AATF: variants seen among roughly 807,000 people sequenced by gnomAD.
AATF encodes protein AATF.
A neutral mutation model predicts 63.7 loss-of-function variants in AATF; 48 were observed. The observed-to-expected ratio is 0.75, with a 90% CI of 0.60 to 0.96. AATF has a LOEUF of 0.96. Ranked by LOEUF, AATF falls within the 40% of genes least tolerant of loss-of-function variation. The pLI is 0.00. For missense variants in AATF, 639 were observed against 685.7 expected (o/e 0.93, Z 0.76); for synonymous variants, 258 against 247.7 (o/e 1.04, Z -0.39).
At chr17:37,030,487 G>C (rs1229773183) in intron 10 of AATF, among the ~76,000 whole-genome samples, 1 of 152,142 alleles carries the variant, frequency 6.6e-6, no homozygotes, top group Admixed American at 6.5e-5. Context: ...ATTATAATGA[G>C]TAGAAAAGGA....
At chr17:37,046,057 A>G (rs1038266600) in intron 11 of AATF, 1 of 152,168 alleles carries the variant, frequency 6.6e-6, no homozygotes, top group Non-Finnish European at 1.5e-5. Context: ...CAAGAGCCCC[A>G]TCTCAGACTG....
chr17:37,010,281 T>C (rs2071380339), intron 8 of AATF, among the ~76,000 whole-genome samples: 1 of 152,000 alleles, frequency 6.6e-6, no homozygotes, highest in Non-Finnish European at 1.5e-5. Context: ...GGTGAAACCC[T>C]GTCCCTACTA....
At chr17:37,045,860 G>T (rs1032076682) in intron 11 of AATF, 1 of 152,238 alleles carries the variant, frequency 6.6e-6, no homozygotes, top group East Asian at 1.9e-4. Context: ...CCTGTTGCAG[G>T]CCTGCTCAGT....
intron 11 of AATF, among the ~76,000 whole-genome samples, chr17:37,035,619 A>G (rs867098058): frequency 6.6e-6 from 1 of 150,414 alleles, no homozygotes; most frequent in African/African-American, 2.4e-5. Context: ...GCTCACTGCA[A>G]TCTCCACCTC....
chr17:37,013,665 C>T (rs2071408666), intron 8 of AATF, among the ~76,000 whole-genome samples: 1 of 152,308 alleles, frequency 6.6e-6, no homozygotes, highest in Non-Finnish European at 1.5e-5. Flanking sequence ...ATGGCCCAGA[C>T]ACTTTCCATT....
chr17:37,033,285 T>G (rs1252403183), intron 11 of AATF, among the ~76,000 whole-genome samples: 1 of 152,188 alleles, frequency 6.6e-6, no homozygotes, highest in East Asian at 1.9e-4. Flanking sequence ...GTAAAGTGAG[T>G]GCATCTTAGA....
chr17:37,006,393 C>G (rs1373038894), intron 8 of AATF, among the ~76,000 whole-genome samples: 7 of 152,052 alleles, frequency 4.6e-5, no homozygotes, highest in Non-Finnish European at 7.4e-5. Context: ...CGCTTGAACC[C>G]AGGAGACTGA....
At chr17:37,008,874 T>C (rs1485871355) in intron 8 of AATF, among the ~76,000 whole-genome samples, 1 of 152,136 alleles carries the variant, frequency 6.6e-6, no homozygotes, top group Admixed American at 6.5e-5. Flanking sequence ...GTAACTGAAA[T>C]TAATTCAGAC....
intron 10 of AATF, among the ~76,000 whole-genome samples, chr17:37,022,759 G>A (rs914891954): frequency 6.6e-6 from 1 of 152,130 alleles, no homozygotes; most frequent in African/African-American, 2.4e-5. Context: ...AATGAATAGG[G>A]TGTGTATGGC....
At chr17:36,954,195 C>G (rs765440181) in intron 4 of AATF, among the ~76,000 whole-genome samples, 5 of 151,614 alleles carry the variant, frequency 3.3e-5, no homozygotes, top group Admixed American at 1.3e-4. Flanking sequence ...AGTGATCCTC[C>G]CACCTTAGCC....
At chr17:36,988,390 T>TA (rs2071185490) in intron 5 of AATF, 129 bp from the exon 6 acceptor site, 2 of 801,454 alleles carry the variant, frequency 2.5e-6, no homozygotes, top group Non-Finnish European at 3.9e-6. Flanking sequence ...CCTTATATCT[T>TA]TGGTGTTATT....
At chr17:37,011,442 A>G (rs552057311) in intron 8 of AATF, among the ~76,000 whole-genome samples, 23 of 152,170 alleles carry the variant, frequency 1.5e-4, no homozygotes, top group Non-Finnish European at 2.8e-4. Context: ...GGCAGCGGAG[A>G]TGGAGAAAAG....
chr17:37,051,757 G>A (rs1177006841), intron 11 of AATF, among the ~76,000 whole-genome samples: 1 of 150,836 alleles, frequency 6.6e-6, no homozygotes, highest in Non-Finnish European at 1.5e-5. Context: ...GGAAAATGGC[G>A]GCTAATCCAT....
chr17:37,010,318 C>T (rs1033502242), intron 8 of AATF, among the ~76,000 whole-genome samples: 10 of 152,022 alleles, frequency 6.6e-5, no homozygotes, highest in Admixed American at 1.3e-4. Context: ...ATTAGCCGGG[C>T]GTGGTGGTGG....
chr17:36,958,604 CTT>C (rs1039183868), intron 4 of AATF, among the ~76,000 whole-genome samples: 14 of 152,124 alleles, frequency 9.2e-5, no homozygotes, highest in African/African-American at 2.9e-4. Context: ...ATATATCAAA[CTT>C]ATATAAAAGT....
At chr17:37,006,057 C>T (rs1054303190) in intron 8 of AATF, among the ~76,000 whole-genome samples, 7 of 151,998 alleles carry the variant, frequency 4.6e-5, no homozygotes, top group African/African-American at 1.5e-4. Context: ...ATCACTTGAG[C>T]GCAGGACCTC....
intron 10 of AATF, among the ~76,000 whole-genome samples, chr17:37,027,246 A>G (rs2071517668): frequency 1.3e-5 from 2 of 152,250 alleles, no homozygotes; most frequent in African/African-American, 2.4e-5. Context: ...ATCAGAAATC[A>G]TAATGTAAAT....
At chr17:36,964,180 T>C (rs1315865559) in intron 4 of AATF, among the ~76,000 whole-genome samples, 4 of 150,020 alleles carry the variant, frequency 2.7e-5, no homozygotes, top group Non-Finnish European at 5.9e-5. Context: ...CTTTTTTTTT[T>C]TTTTTTTTTT....
At chr17:37,041,694 G>A (rs759344057) in intron 11 of AATF, among the ~76,000 whole-genome samples, 3 of 152,082 alleles carry the variant, frequency 2.0e-5, no homozygotes, top group East Asian at 3.9e-4. Context: ...TAGTAGAGAC[G>A]GGGTATTGCC....
Sources: gnomAD v4.1 joint callset for allele counts (sites outside exome capture counted in the v4.1 genomes callset) on GRCh38, gnomAD v4.1.1 for gene constraint, MANE v1.5 for transcripts, NCBI Gene and HGNC (gene_info 2026-07-23, HGNC 2026-07-21) for gene names.